The following DPY19L4 variants were observed in gnomAD, a reference collection of about 807,000 sequenced individuals.
The protein encoded by DPY19L4 is probable C-mannosyltransferase DPY19L4.
A neutral mutation model predicts 102.8 loss-of-function variants in DPY19L4; 97 were observed. That is an observed-to-expected ratio of 0.94 (90% CI 0.80 to 1.12). The LOEUF is 1.12. DPY19L4 is among the 50% of genes most tolerant of loss of function. The pLI, the probability that DPY19L4 is intolerant of heterozygous loss-of-function variation, is 0.00. For missense variants in DPY19L4, 815 were observed against 850.4 expected, an observed-to-expected ratio of 0.96 and a Z score of 0.52; for synonymous variants, 252 against 283.1, an observed-to-expected ratio of 0.89 and a Z score of 1.10.
At chr8:94,756,532 A>C (rs971343648) in intron 7 of DPY19L4, among the ~76,000 whole-genome samples, 9 of 152,242 alleles carry the variant, frequency 5.9e-5, no homozygotes, top group Non-Finnish European at 1.2e-4. Flanking sequence ...GAGTGACCAC[A>C]AATGACAGGA....
chr8:94,725,403 G>A (rs1810643874), intron 1 of DPY19L4, among the ~76,000 whole-genome samples: 1 of 152,166 alleles, frequency 6.6e-6, no homozygotes, highest in Non-Finnish European at 1.5e-5. Flanking sequence ...TACTAGTTTG[G>A]AGGTAACTTC....
rs187875581 is a variant in DPY19L4 at position 94,750,399 on chromosome 8, A to G, written c.612-5637A>G. On this transcript the variant is annotated intron_variant, in intron 6 of 18. Transcript: ENST00000414645. ...CGTGTATCTTGGAAAGATGTTCATAATATATTGTTAAGTAAAAAATAGTTT... is the reference window on the plus strand; with the variant it reads ...CGTGTATCTTGGAAAGATGTTCATAGTATATTGTTAAGTAAAAAATAGTTT... Among the ~76,000 whole-genome samples the G allele has an allele frequency of 5.0e-3, 757 of 152,322 alleles. 6 individuals are homozygous for G. The highest frequency in any genetic ancestry group is 7.5e-3 in the Non-Finnish European group (509 of 68,028).
Position 94,783,807 on chromosome 8 carries a change from G to A in DPY19L4, c.1848+5G>A. The A allele has an allele frequency of 6.2e-7, 1 of 1,613,662 alleles. No homozygotes were observed. Among genetic ancestry groups the A allele is most frequent in the Non-Finnish European group, 8.5e-7 (1 of 1,179,804 alleles). ...CTTCTCAAGAGAAATGAAAATGTAA[G>A]ACATTTTAAATTCTACATTTGGATC... On this transcript the variant is annotated splice_donor_5th_base_variant and intron_variant, in intron 17 of 18. Transcript: ENST00000414645.
At chr8:94,721,883 T>C (rs1810473918) in intron 1 of DPY19L4, among the ~76,000 whole-genome samples, 1 of 149,246 alleles carries the variant, frequency 6.7e-6, no homozygotes, top group Non-Finnish European at 1.5e-5. Flanking sequence ...CCAAGGCGAG[T>C]GGATCACTTG....
intron 6 of DPY19L4, among the ~76,000 whole-genome samples, chr8:94,745,539 T>C (rs982945149): frequency 6.6e-6 from 1 of 152,190 alleles, no homozygotes; most frequent in Admixed American, 6.6e-5. Flanking sequence ...CAAGGAAATG[T>C]ACATGTCCCA....
At chr8:94,730,465 G>C (rs1001923094) in intron 2 of DPY19L4, among the ~76,000 whole-genome samples, 2 of 152,008 alleles carry the variant, frequency 1.3e-5, no homozygotes, top group African/African-American at 4.8e-5. Flanking sequence ...ATTTAGTAAT[G>C]CTGGGCGTGG....
Position 94,779,269 on chromosome 8 carries a change from A to G in DPY19L4, c.1576-1090A>G, listed in dbSNP as rs181292335. Among the ~76,000 whole-genome samples, 104 of 148,602 alleles carry G rather than the reference A, an allele frequency of 7.0e-4. 4 individuals are homozygous for G. Among genetic ancestry groups the G allele is most frequent in the Admixed American group, 7.0e-3 (104 of 14,914 alleles). On this transcript the variant is annotated intron_variant, in intron 14 of 18. Coordinates refer to ENST00000414645, the MANE Select transcript of DPY19L4 (RefSeq NM_181787.3). ...TTGTTTAAATAACTTACTTGAGATTACCAAGTTTGTAAGTATGGAAATCAT... is the reference window on the plus strand; with the variant it reads ...TTGTTTAAATAACTTACTTGAGATTGCCAAGTTTGTAAGTATGGAAATCAT...
rs1455016893 is a variant in DPY19L4 at position 94,738,294 on chromosome 8, G to C, written c.253-75G>C. On this transcript the variant is annotated intron_variant, in intron 3 of 18. Coordinates refer to ENST00000414645, the MANE Select transcript of DPY19L4 (RefSeq NM_181787.3). ...AGATCGCGCCACTGCACTCCAGCCT[G>C]GGCGACAGAGCGAGACTCTGTCTCA... 9 of 708,816 alleles carry C rather than the reference G, an allele frequency of 1.3e-5. No individual in the cohort carries two copies. The African/African-American group carries it at 1.6e-4, about 12-fold the overall frequency. The allele number at this position is 708,816 out of a possible 1,614,324, so 43.9% of individuals were successfully genotyped here. A position where few individuals can be genotyped will look rare whatever the true frequency, so the allele number is the denominator to read the frequency against.
chr8:94,719,972 C>A lies in DPY19L4; in HGVS notation c.-27C>A. On this transcript the variant is annotated 5_prime_UTR_variant, in exon 1 of 19. Coordinates refer to ENST00000414645, the MANE Select transcript of DPY19L4 (RefSeq NM_181787.3). The stretch of plus-strand genomic sequence containing the variant: ...GAGAGTCTGGGCCGCGCGGGAGCCG[C>A]AGGGCGCCCTAGCCTTCGCAGAAAC... 6.6e-7 allele frequency: 1 copy of A among 1,510,722 alleles called. No homozygotes were observed. The highest frequency in any genetic ancestry group is 1.2e-5 in the South Asian group (1 of 80,124). 93.6% of individuals were successfully genotyped at this position (1,510,722 alleles called of 1,614,324 possible).
intron 1 of DPY19L4, among the ~76,000 whole-genome samples, chr8:94,723,427 G>A (rs181127731): frequency 6.6e-6 from 1 of 151,920 alleles, no homozygotes; most frequent in Non-Finnish European, 1.5e-5. Context: ...GAGCCGGGAT[G>A]GCACCACTGC....
At chr8:94,731,401 A>C (rs1346314061) in intron 2 of DPY19L4, among the ~76,000 whole-genome samples, 1 of 152,204 alleles carries the variant, frequency 6.6e-6, no homozygotes, top group East Asian at 1.9e-4. Context: ...TGCTTTACAC[A>C]TGCTACTGGT....
chr8:94,786,364 A>G (rs1027095772), intron 17 of DPY19L4, among the ~76,000 whole-genome samples: 2 of 152,088 alleles, frequency 1.3e-5, no homozygotes, highest in Admixed American at 6.5e-5. Context: ...AGCTCAGGCA[A>G]TCCGCCTACC....
At chr8:94,743,631 G>A (rs986100249) in intron 6 of DPY19L4, among the ~76,000 whole-genome samples, 4 of 152,020 alleles carry the variant, frequency 2.6e-5, no homozygotes, top group African/African-American at 7.2e-5. Flanking sequence ...GAGAGACCCT[G>A]TCTCAAAAAT....
At position 94,789,758 on chromosome 8, in the gene DPY19L4, G is replaced by A. The variant is rs1295165617; in HGVS notation, c.2020G>A (p.Glu674Lys). ...TATCTTTTAATAGATGGTTTGTGAA[G>A]AAGGTGACAAGCTAACCTACTCAAA... ...DIANGHMVCE[E>K]GDKLTYSKYG... The change falls in exon 19 of 19, where the codon GAA becomes AAA. Residue 674 changes from glutamate (E) to lysine (K), a missense_variant. Transcript: ENST00000414645. 1 of 1,598,842 alleles carries A rather than the reference G, an allele frequency of 6.3e-7. No homozygotes were observed.
chr8:94,782,245 T>A (rs1490294880), intron 16 of DPY19L4, among the ~76,000 whole-genome samples: 1 of 152,196 alleles, frequency 6.6e-6, no homozygotes, highest in Non-Finnish European at 1.5e-5. Flanking sequence ...AGTCTAGGGT[T>A]GGCTATGTGT....
rs1466406270 is a variant in DPY19L4 at position 94,761,814 on chromosome 8, T to G, written c.850T>G (p.Ser284Ala). ...ATCTCTATTCCTGCTAGATACCTTT[T>G]CAGTGGAGCAAAGTGACAAGGTATT... The part of the protein sequence containing the change: ...AISLFLLDTF[S>A]VEQSDKVYEV... The change falls in exon 8 of 19, where the codon TCA becomes GCA. Residue 284 changes from serine to alanine, a missense_variant. By Grantham distance (99) the Ser-to-Ala change is moderately conservative (BLOSUM62 1). Coordinates refer to ENST00000414645, the MANE Select transcript of DPY19L4 (RefSeq NM_181787.3). 3.7e-6 allele frequency: 6 copies of G among 1,608,100 alleles called. No homozygotes were observed. The highest frequency in any genetic ancestry group is 1.1e-5 in the South Asian group (1 of 89,166).
intron 17 of DPY19L4, among the ~76,000 whole-genome samples, chr8:94,787,672 G>C (rs1813710599): frequency 6.6e-6 from 1 of 151,912 alleles, no homozygotes; most frequent in Admixed American, 6.6e-5. Flanking sequence ...AATAAGTTCA[G>C]AAAAATTATA....
At chr8:94,759,263 G>A (rs1385120237) in intron 7 of DPY19L4, among the ~76,000 whole-genome samples, 1 of 152,104 alleles carries the variant, frequency 6.6e-6, no homozygotes, top group African/African-American at 2.4e-5. Flanking sequence ...TGTCCTATCA[G>A]AGCGCCCTTT....
At chr8:94,734,253 G>C (rs958670224) in intron 2 of DPY19L4, among the ~76,000 whole-genome samples, 4 of 151,714 alleles carry the variant, frequency 2.6e-5, no homozygotes, top group African/African-American at 9.7e-5. Context: ...CACCATGTTG[G>C]CCAGGCTGGT....
Sources: allele counts gnomAD v4.1 joint callset (sites outside exome capture counted in the v4.1 genomes callset), GRCh38; gene constraint gnomAD v4.1.1; transcripts MANE v1.5; gene names NCBI Gene and HGNC (gene_info 2026-07-23, HGNC 2026-07-21).